Variants in DNAJA3 observed in about 807,000 individuals in gnomAD.
DNAJA3 encodes the protein DnaJ heat shock protein family (Hsp40) member A3.
DNAJA3 carries 29 observed loss-of-function variants against 54.9 expected under a neutral mutation model. The ratio of observed to expected loss-of-function variants is 0.53; its 90% CI spans 0.39 to 0.72. DNAJA3 has a LOEUF of 0.72. Ranked by LOEUF, DNAJA3 falls within the 30% of genes least tolerant of loss-of-function variation. The probability of loss-of-function intolerance (pLI) is 0.00; values close to 1 mark genes in which losing one functional copy is unlikely to be tolerated. For missense variants in DNAJA3, 708 were observed against 639.4 expected, an observed-to-expected ratio of 1.11 and a Z score of -1.16; for synonymous variants, 302 against 251.4, an observed-to-expected ratio of 1.20 and a Z score of -1.90.
chr16:4,437,631 T>TA (rs935979620), intron 3 of DNAJA3, 146 bp downstream of exon 3: 405 of 627,676 alleles, frequency 6.5e-4, no homozygotes, highest in African/African-American at 2.3e-3. Flanking sequence ...TTAAGAAAAA[T>TA]AAAAAAAAAG....
In DNAJA3 at chr16:4,450,395, C is replaced by T; in HGVS notation, c.1242-5C>T. On this transcript the variant is annotated splice_region_variant and splice_polypyrimidine_tract_variant and intron_variant, in intron 9 of 11. Transcript: ENST00000262375. Reference sequence around the variant, plus strand: ...CCTTGGCTGCTGACTCTGCTCGGTCCACAGGAGGCTAACGAGCCGGCAGCA... The same window carrying T: ...CCTTGGCTGCTGACTCTGCTCGGTCTACAGGAGGCTAACGAGCCGGCAGCA... 1 of 1,600,508 alleles carries T rather than the reference C, an allele frequency of 6.2e-7. No homozygotes were observed. Among genetic ancestry groups the T allele is most frequent in the Non-Finnish European group, 8.5e-7 (1 of 1,174,680 alleles).
Position 4,447,087 on chromosome 16 carries a change from C to G in DNAJA3, c.1125+73C>G. 4 of 1,548,888 alleles carry G rather than the reference C, an allele frequency of 2.6e-6. No individual in the cohort carries two copies. The South Asian group carries it at 3.7e-5, about 14-fold the overall frequency. Reference sequence around the variant, plus strand: ...TTTTTCTGAAATGGAAAAGAACTGACCAGTGGCCTGGAACCCATGAGTGAC... The same window carrying G: ...TTTTTCTGAAATGGAAAAGAACTGAGCAGTGGCCTGGAACCCATGAGTGAC... On this transcript the variant is annotated intron_variant, in intron 8 of 11. Transcript: ENST00000262375.
chr16:4,449,640 G>A (rs900634022), intron 9 of DNAJA3: 2 of 152,240 alleles, frequency 1.3e-5, no homozygotes, highest in Non-Finnish European at 2.9e-5. Context: ...TTCCCAAAGT[G>A]GTGGGATTAC....
chr16:4,426,007 G>A lies in DNAJA3; in HGVS notation c.126G>A (p.Lys42=). 1.2e-6 allele frequency: 2 copies of A among 1,606,308 alleles called. No homozygotes were observed. Among genetic ancestry groups the A allele is most frequent in the Non-Finnish European group, 1.7e-6 (2 of 1,177,080 alleles). The change falls in exon 1 of 12, where the codon AAG becomes AAA. Residue 42 remains lysine (K), a synonymous_variant. Transcript: ENST00000262375. The part of the protein sequence containing the change: ...EGVVGAWLSR[K]LSVPAFASSL... ...TGGTGGGGGCATGGCTGAGCCGCAA[G>A]CTGAGCGTCCCCGCCTTTGCGTCTT... is the stretch of plus-strand genomic sequence containing the variant.
At chr16:4,435,648 T>C (rs541386113) in intron 2 of DNAJA3, among the ~76,000 whole-genome samples, 3 of 152,370 alleles carry the variant, frequency 2.0e-5, no homozygotes, top group Admixed American at 1.3e-4. Context: ...ATCTGTGTTA[T>C]AGTTTGTGTC....
chr16:4,442,828 TTG>T (rs2056853131), intron 5 of DNAJA3, 187 bp from the exon 6 acceptor site: 1 of 628,236 alleles, frequency 1.6e-6, no homozygotes, highest in African/African-American at 1.8e-5. Flanking sequence ...GTGCAGAAGT[TTG>T]TGTGTTCTAG....
At chr16:4,426,294 G>C (rs2056621445) in intron 1 of DNAJA3, among the ~76,000 whole-genome samples, 1 of 152,204 alleles carries the variant, frequency 6.6e-6, no homozygotes, top group Non-Finnish European at 1.5e-5. Context: ...GAAGCGTGGA[G>C]CCCCCGGCGG....
intron 6 of DNAJA3, 135 bp downstream of exon 6, chr16:4,443,299 G>C: frequency 8.7e-7 from 1 of 1,146,828 alleles, no homozygotes; most frequent in Admixed American, 2.9e-5. Flanking sequence ...AGAAGTTATG[G>C]TTGAGGCCCT....
chr16:4,435,428 T>A (rs1256083575), intron 2 of DNAJA3, among the ~76,000 whole-genome samples: 1 of 152,146 alleles, frequency 6.6e-6, no homozygotes. Context: ...CACAGTCAAC[T>A]TTAGGACATT....
chr16:4,442,883 G>A, intron 5 of DNAJA3, 134 bp from the exon 6 acceptor site: 1 of 953,618 alleles, frequency 1.0e-6, no homozygotes, highest in East Asian at 2.5e-5. Flanking sequence ...TGGGTTCCTA[G>A]GCAGTGTGTT....
intron 9 of DNAJA3, 54 bp downstream of exon 9, chr16:4,448,902 C>T (rs2056941182): frequency 1.5e-6 from 2 of 1,365,494 alleles, no homozygotes; most frequent in African/African-American, 2.9e-5. Flanking sequence ...GTGGCACTGC[C>T]CTTGGAGCTC....
intron 11 of DNAJA3, 93 bp downstream of exon 11, chr16:4,455,020 C>T (rs373567204): frequency 8.0e-6 from 7 of 878,002 alleles, no homozygotes; most frequent in East Asian, 5.3e-5. Flanking sequence ...TGCCCCCACC[C>T]CCAGGAGTTG....
At chr16:4,429,791 G>A (rs1449562508) in intron 1 of DNAJA3, among the ~76,000 whole-genome samples, 1 of 151,734 alleles carries the variant, frequency 6.6e-6, no homozygotes, top group Non-Finnish European at 1.5e-5. Context: ...CCGAGTTAGC[G>A]CCATTGCACT....
chr16:4,449,028 G>A (rs892170122), intron 9 of DNAJA3, among the ~76,000 whole-genome samples, 180 bp downstream of exon 9: 5 of 152,058 alleles, frequency 3.3e-5, no homozygotes, highest in East Asian at 1.9e-4. Flanking sequence ...ATGGAGTCTC[G>A]CTGTGTCCCC....
At chr16:4,453,755 C>A (rs1026947219) in intron 10 of DNAJA3, among the ~76,000 whole-genome samples, 8 of 152,168 alleles carry the variant, frequency 5.3e-5, no homozygotes, top group Non-Finnish European at 1.2e-4. Context: ...GACTGGGTCT[C>A]ACTCTGTTTT....
intron 1 of DNAJA3, chr16:4,430,659 A>G (rs1273332026): frequency 2.0e-5 from 3 of 152,166 alleles, no homozygotes; most frequent in Admixed American, 2.0e-4. Context: ...TCTAAAAAGG[A>G]CAGGACATTT....
At chr16:4,445,572 G>A (rs543449689) in intron 7 of DNAJA3, among the ~76,000 whole-genome samples, 1 of 152,288 alleles carries the variant, frequency 6.6e-6, no homozygotes, top group East Asian at 1.9e-4. Context: ...ATTTTTTGAG[G>A]TGGGGTATTG....
chr16:4,449,079 C>G (rs1455532516), intron 9 of DNAJA3, among the ~76,000 whole-genome samples: 1 of 152,212 alleles, frequency 6.6e-6, no homozygotes, highest in Non-Finnish European at 1.5e-5. Context: ...TCACTGCAAC[C>G]TCCGCTTCCC....
At chr16:4,437,607 G>A (rs571242092) in intron 3 of DNAJA3, 122 bp downstream of exon 3, 72 of 712,570 alleles carry the variant, frequency 1.0e-4, no homozygotes, top group South Asian at 9.8e-4. Flanking sequence ...ATGTCCCTGC[G>A]CCAAGTAATC....
Sources: allele counts gnomAD v4.1 joint callset (sites outside exome capture counted in the v4.1 genomes callset), GRCh38; gene constraint gnomAD v4.1.1; transcripts MANE v1.5; gene names NCBI Gene and HGNC (gene_info 2026-07-23, HGNC 2026-07-21).